TASP1: variants seen among roughly 807,000 people sequenced by gnomAD.
TASP1 encodes the protein taspase 1.
In TASP1, 16 loss-of-function variants were observed where a neutral mutation model predicts 56.6. The ratio of observed to expected loss-of-function variants is 0.28; its 90% CI spans 0.19 to 0.43. The LOEUF (loss-of-function observed/expected upper bound fraction) is 0.43. Among genes scored for constraint, TASP1 ranks in the 20% least tolerant of loss-of-function variants. The pLI, the probability that TASP1 is intolerant of heterozygous loss-of-function variation, is 1.00. For missense variants in TASP1, 393 were observed against 511.6 expected (o/e 0.77, Z 2.24); for synonymous variants, 179 against 184.2 (o/e 0.97, Z 0.23).
At chr20:13,140,865 G>A in the TASP1 span, among the ~76,000 whole-genome samples, 13 of 152,118 alleles carry the variant, frequency 8.5e-5, no homozygotes, top group Non-Finnish European at 1.6e-4. Flanking sequence ...CACTTTGTGC[G>A]AATTATTTCA....
chr20:13,420,468 G>C (rs1274993361), intron 12 of TASP1, among the ~76,000 whole-genome samples: 5 of 152,104 alleles, frequency 3.3e-5, no homozygotes, highest in Non-Finnish European at 7.4e-5. Context: ...AAAAGGCAAA[G>C]CATTGTACTG....
chr20:13,443,883 G>A (rs1238863011), intron 11 of TASP1, among the ~76,000 whole-genome samples: 1 of 152,152 alleles, frequency 6.6e-6, no homozygotes, highest in African/African-American at 2.4e-5. Context: ...ACCCTGGTAT[G>A]ATCAACTGGA....
the TASP1 span, chr20:13,279,944 G>A: frequency 7.7e-6 from 12 of 1,568,010 alleles, no homozygotes; most frequent in South Asian, 4.6e-5. Context: ...AAGAATAAAC[G>A]AGGATGATGC....
In TASP1 at chr20:13,528,417, T is replaced by A. The variant is rs762786298; in HGVS notation, c.874+16A>T. ...AGGTTGAAGTTATGAGAAATGGTTA[T>A]GAAAGCAGCAAATACCTGAGGTACT... On this transcript the variant is annotated intron_variant, in intron 10 of 13. Transcript: ENST00000337743. 5 of 1,599,044 alleles carry A rather than the reference T, an allele frequency of 3.1e-6. No homozygotes were observed. The highest frequency in any genetic ancestry group is 4.3e-6 in the Non-Finnish European group (5 of 1,173,302).
At position 13,547,817 on chromosome 20, in the gene TASP1, T is replaced by A. The variant is rs577578248; in HGVS notation, c.675+11191A>T. ...AAACAAGAAAAAAAAAAGTAGTGCA[T>A]GTATTCATTAAATGTTTATTGAGCA... On this transcript the variant is annotated intron_variant, in intron 8 of 13. Transcript: ENST00000337743. 2.0e-5 allele frequency among the ~76,000 whole-genome samples: 3 copies of A among 152,126 alleles called. No homozygotes were observed. In the East Asian group the frequency reaches 5.8e-4, roughly 29 times the overall value.
intron 12 of TASP1, among the ~76,000 whole-genome samples, chr20:13,419,998 C>G (rs1054502236): frequency 1.3e-5 from 2 of 152,182 alleles, no homozygotes; most frequent in Admixed American, 6.5e-5. Flanking sequence ...GCACTCAAGT[C>G]TTACTGAAGT....
chr20:13,452,370 C>T (rs2043653873), intron 11 of TASP1, among the ~76,000 whole-genome samples: 4 of 150,526 alleles, frequency 2.7e-5, no homozygotes, highest in South Asian at 2.1e-4. Context: ...TAAATACCTG[C>T]TCTGTACTCA....
chr20:13,128,144 G>C, the TASP1 span, among the ~76,000 whole-genome samples: 2 of 152,204 alleles, frequency 1.3e-5, no homozygotes, highest in South Asian at 4.1e-4. Flanking sequence ...ATTGTGTCTG[G>C]AGACAAGTAT....
intron 11 of TASP1, among the ~76,000 whole-genome samples, chr20:13,459,787 C>T (rs1191551898): frequency 2.0e-5 from 3 of 152,058 alleles, no homozygotes; most frequent in African/African-American, 2.4e-5. Context: ...AGATGAATTG[C>T]TCATGCTCCT....
chr20:13,330,742 G>A, the TASP1 span, among the ~76,000 whole-genome samples: 1 of 152,266 alleles, frequency 6.6e-6, no homozygotes, highest in South Asian at 2.1e-4. Flanking sequence ...AGTTTAGATA[G>A]TTTGTGGCTT....
the TASP1 span, chr20:13,164,894 A>G: frequency 2.2e-5 from 34 of 1,575,196 alleles, 1 homozygote; most frequent in South Asian, 3.3e-4. Context: ...TGACACATAA[A>G]GACTTTGCGA....
chr20:13,523,879 C>G lies in TASP1; in HGVS notation c.874+4554G>C, dbSNP rs571004954. On this transcript the variant is annotated intron_variant, in intron 10 of 13. Transcript: ENST00000337743. ...TGATCTTAGTCAATTGCCATCAGTA[C>G]CCCTGTACTCACTGTTTCCAGCACT... is the stretch of plus-strand genomic sequence containing the variant. Among the ~76,000 whole-genome samples the G allele has an allele frequency of 3.3e-5, 5 of 152,204 alleles. No homozygotes were observed. The South Asian group carries it at 1.0e-3, about 32-fold the overall frequency.
chr20:13,266,157 G>A, the TASP1 span, among the ~76,000 whole-genome samples: 47 of 152,284 alleles, frequency 3.1e-4, no homozygotes, highest in African/African-American at 1.0e-3. Context: ...GCTGGGAAAT[G>A]TAGTTTTTGC....
chr20:13,528,586 C>T, intron 9 of TASP1, 75 bp from the exon 10 acceptor site: 1 of 1,295,352 alleles, frequency 7.7e-7, no homozygotes, highest in Non-Finnish European at 1.1e-6. Context: ...AGAAATCATA[C>T]CCTCTAATAA....
chr20:13,110,992 A>T, the TASP1 span, among the ~76,000 whole-genome samples: 1 of 152,136 alleles, frequency 6.6e-6, no homozygotes, highest in Non-Finnish European at 1.5e-5. Context: ...TAATCTCATT[A>T]GTCCCTGAGT....
At chr20:13,358,143 C>T in the TASP1 span, among the ~76,000 whole-genome samples, 369 of 152,078 alleles carry the variant, frequency 2.4e-3, 1 homozygote, top group East Asian at 7.0e-3. Context: ...CACTCCTGCC[C>T]GCCAGAGAAC....
chr20:13,319,908 C>A, the TASP1 span, among the ~76,000 whole-genome samples: 3 of 152,178 alleles, frequency 2.0e-5, no homozygotes, highest in Admixed American at 2.0e-4. Context: ...ATTGTGAGGG[C>A]TCTTCTGGGA....
At chr20:13,397,031 T>A (rs2041568117) in intron 13 of TASP1, among the ~76,000 whole-genome samples, 1 of 152,168 alleles carries the variant, frequency 6.6e-6, no homozygotes, top group Admixed American at 6.5e-5. Flanking sequence ...AGAGGCAACA[T>A]CAGACAAGAG....
chr20:13,324,761 C>A, the TASP1 span, among the ~76,000 whole-genome samples: 1 of 152,160 alleles, frequency 6.6e-6, no homozygotes, highest in Admixed American at 6.5e-5. Context: ...CCTAGCACCA[C>A]TACAGAAAGC....
Sources: allele counts gnomAD v4.1 joint callset (sites outside exome capture counted in the v4.1 genomes callset), GRCh38; gene constraint gnomAD v4.1.1; transcripts MANE v1.5; gene names NCBI Gene and HGNC (gene_info 2026-07-23, HGNC 2026-07-21).